MMP26: variants seen among roughly 807,000 people sequenced by gnomAD.
MMP26 encodes matrix metalloproteinase-26.
In MMP26, 33 loss-of-function variants were observed where a neutral mutation model predicts 31.0. The observed-to-expected ratio is 1.06, with a 90% CI of 0.81 to 1.42. The LOEUF is 1.42. Ranked by LOEUF, MMP26 falls within the 40% of genes most tolerant of loss-of-function variation. The probability of loss-of-function intolerance (pLI) is 0.00; values close to 1 mark genes in which losing one functional copy is unlikely to be tolerated. For synonymous variants in MMP26, 122 were observed against 114.9 expected (o/e 1.06, Z -0.40); for missense variants, 347 against 316.1 (o/e 1.10, Z -0.74).
chr11:4,816,247 A>G (rs960807150), intron 2 of MMP26, among the ~76,000 whole-genome samples: 1 of 152,074 alleles, frequency 6.6e-6, no homozygotes. Flanking sequence ...TACGATTTTG[A>G]TCTTCTCAAA....
intron 2 of MMP26, among the ~76,000 whole-genome samples, chr11:4,817,293 G>T (rs1169179099): frequency 6.6e-6 from 1 of 152,108 alleles, no homozygotes; most frequent in Non-Finnish European, 1.5e-5. Flanking sequence ...AGAATCTAAA[G>T]TTAATGGAGG....
At chr11:4,742,737 G>A (rs1405441674) in intron 1 of MMP26, among the ~76,000 whole-genome samples, 1 of 152,122 alleles carries the variant, frequency 6.6e-6, no homozygotes, top group Non-Finnish European at 1.5e-5. Context: ...TTAGAATATT[G>A]CCGATGCTCT....
intron 2 of MMP26, among the ~76,000 whole-genome samples, chr11:4,890,757 G>A (rs553563562): frequency 6.6e-6 from 1 of 152,100 alleles, no homozygotes; most frequent in Admixed American, 6.5e-5. Context: ...CTTCTAAACA[G>A]ACTGTAATAA....
chr11:4,792,377 T>G (rs1849040285), intron 2 of MMP26, among the ~76,000 whole-genome samples: 1 of 152,140 alleles, frequency 6.6e-6, no homozygotes, highest in South Asian at 2.1e-4. Context: ...TCGCCCTCCC[T>G]CCAGCCCCTA....
chr11:4,955,848 T>A (rs140541458), intron 2 of MMP26: 11,689 of 624,698 alleles, frequency 0.019, 152 homozygotes, highest in Middle Eastern at 0.043. Flanking sequence ...GTGGCTTCTT[T>A]CAGCTTTCTT....
intron 2 of MMP26, among the ~76,000 whole-genome samples, chr11:4,921,280 C>T (rs7109741): frequency 0.014 from 2,102 of 152,310 alleles, 51 homozygotes; most frequent in African/African-American, 0.048. Flanking sequence ...TGTCCCAAAT[C>T]CTGCCTTGGG....
intron 2 of MMP26, among the ~76,000 whole-genome samples, chr11:4,986,905 T>TTCTCTCTCTCTCTCTCTCTCTC (rs71050445): frequency 1.0e-4 from 5 of 48,672 alleles, no homozygotes; most frequent in African/African-American, 4.2e-4. Context: ...CTTCCTTCCT[T>TTCTCTCTCTCTCTCTCTCTCTC]TCTCTCTCTC....
At chr11:4,836,232 T>A (rs897773561) in intron 2 of MMP26, among the ~76,000 whole-genome samples, 1 of 152,014 alleles carries the variant, frequency 6.6e-6, no homozygotes, top group Non-Finnish European at 1.5e-5. Flanking sequence ...ATAAGTGATA[T>A]GTTGTCATTC....
At chr11:4,904,105 A>G (rs996779715) in intron 2 of MMP26, among the ~76,000 whole-genome samples, 6 of 152,152 alleles carry the variant, frequency 3.9e-5, no homozygotes, top group Non-Finnish European at 7.4e-5. Flanking sequence ...TCTGGAAGGA[A>G]AATGGCTAAG....
At chr11:4,894,143 T>G (rs992122513) in intron 2 of MMP26, among the ~76,000 whole-genome samples, 8 of 150,250 alleles carry the variant, frequency 5.3e-5, no homozygotes, top group Non-Finnish European at 8.9e-5. Flanking sequence ...AAAAGTAGAG[T>G]GGGTTAAAAG....
intron 2 of MMP26, among the ~76,000 whole-genome samples, chr11:4,806,902 C>G (rs1174314378): frequency 6.6e-6 from 1 of 152,106 alleles, no homozygotes; most frequent in South Asian, 2.1e-4. Flanking sequence ...GAGCCGAAGT[C>G]TTTCTGTCAC....
At chr11:4,862,501 A>C (rs1850176283) in intron 2 of MMP26, among the ~76,000 whole-genome samples, 1 of 152,176 alleles carries the variant, frequency 6.6e-6, no homozygotes, top group African/African-American at 2.4e-5. Flanking sequence ...TCTTCAACAA[A>C]GAGAAAAATT....
At chr11:4,943,249 T>G (rs1437495000) in intron 2 of MMP26, 1 of 189,346 alleles carries the variant, frequency 5.3e-6, no homozygotes, top group Non-Finnish European at 1.1e-5. Flanking sequence ...TGAACTTGCC[T>G]TTTGGTAAGG....
At chr11:4,817,918 G>T (rs1395817177) in intron 2 of MMP26, among the ~76,000 whole-genome samples, 1 of 152,158 alleles carries the variant, frequency 6.6e-6, no homozygotes, top group Non-Finnish European at 1.5e-5. Context: ...TCTGTTGGGA[G>T]CCAGGTAAGG....
At chr11:4,915,676 C>G (rs1444678044) in intron 2 of MMP26, 1 of 1,596,010 alleles carries the variant, frequency 6.3e-7, no homozygotes, top group Non-Finnish European at 8.6e-7. Context: ...TGTGAGGAGA[C>G]AAGGGGGAAG....
At chr11:4,944,071 G>T (rs2605303) in intron 2 of MMP26, 446,531 of 448,578 alleles carry the variant, frequency 1, 222,285 homozygotes, top group East Asian at 1. Context: ...ACTACTGCTT[G>T]GTTGTACTAC....
At position 4,867,414 on chromosome 11, in the gene MMP26, G is replaced by A. The variant is rs1179523356; in HGVS notation, c.-145+100073G>A. On this transcript the variant is annotated intron_variant, in intron 2 of 7. Transcript: ENST00000380390. ...TTTTTTTTTTTTTTTTTTTTTTGATGGAGTCTCTCTCTGTTGCCCAGGCTG... is the reference window on the plus strand; with the variant it reads ...TTTTTTTTTTTTTTTTTTTTTTGATAGAGTCTCTCTCTGTTGCCCAGGCTG... Among the ~76,000 whole-genome samples the A allele has an allele frequency of 2.9e-5, 3 of 104,680 alleles. No homozygotes were observed. The East Asian group carries it at 8.0e-4, about 28-fold the overall frequency. 68.7% of individuals were successfully genotyped at this position (104,680 alleles called of 152,430 possible).
chr11:4,958,049 A>G (rs1846468087), intron 2 of MMP26, among the ~76,000 whole-genome samples: 1 of 152,166 alleles, frequency 6.6e-6, no homozygotes, highest in Non-Finnish European at 1.5e-5. Flanking sequence ...CACTCCCAAC[A>G]AGAGTTTAAC....
intron 2 of MMP26, among the ~76,000 whole-genome samples, chr11:4,853,261 G>A (rs993876786): frequency 6.6e-6 from 1 of 152,152 alleles, no homozygotes; most frequent in Non-Finnish European, 1.5e-5. Flanking sequence ...GTAACTATGT[G>A]AGGTAATAAA....
Sources: allele counts gnomAD v4.1 joint callset (sites outside exome capture counted in the v4.1 genomes callset), GRCh38; gene constraint gnomAD v4.1.1; transcripts MANE v1.5; gene names NCBI Gene and HGNC (gene_info 2026-07-23, HGNC 2026-07-21).